Variants in ZGRF1 observed in about 807,000 individuals in gnomAD.
The protein encoded by ZGRF1 is 5'-3' DNA helicase ZGRF1.
ZGRF1 carries 196 observed loss-of-function variants against 203.5 expected under a neutral mutation model. The ratio of observed to expected loss-of-function variants is 0.96; its 90% CI spans 0.86 to 1.08. The LOEUF (loss-of-function observed/expected upper bound fraction) is 1.08, where lower values mean the gene tolerates loss of function less well. Ranked by LOEUF, ZGRF1 falls within the 50% of genes least tolerant of loss-of-function variation. The pLI is 0.00. For missense variants in ZGRF1, 2,326 were observed against 2,416.3 expected (o/e 0.96, Z 0.78); for synonymous variants, 809 against 841.3 (o/e 0.96, Z 0.66).
At chr4:112,630,573 CTTCA>C (rs1181616521) in intron 3 of ZGRF1, among the ~76,000 whole-genome samples, 1 of 151,954 alleles carries the variant, frequency 6.6e-6, no homozygotes, top group Non-Finnish European at 1.5e-5. Flanking sequence ...GGAGTAGGGA[CTTCA>C]TTCAGGAGGC....
Position 112,548,305 on chromosome 4 carries a change from G to A in ZGRF1, c.5422C>T (p.Leu1808=). 6.4e-7 allele frequency: 1 copy of A among 1,552,686 alleles called. No homozygotes were observed. Among genetic ancestry groups the A allele is most frequent in the Non-Finnish European group, 8.7e-7 (1 of 1,147,350 alleles). ...TCAGTTATCTGACTACACTCATCCA[G>A]CACAACTACAGGAAATTTAAGATCA... ...MNDLKFPVVV[L]DECSQITEPA... is the part of the protein sequence containing the mutation. The change falls in exon 23 of 28, where the codon CTG becomes TTG. Residue 1808 remains leucine (L), a synonymous_variant. Transcript: ENST00000505019.
At chr4:112,600,157 G>A (rs1226623202) in intron 10 of ZGRF1, among the ~76,000 whole-genome samples, 2 of 151,968 alleles carry the variant, frequency 1.3e-5, no homozygotes, top group Admixed American at 6.6e-5. Flanking sequence ...TCAGCCTGCT[G>A]GGTAGCTGGG....
At chr4:112,579,455 TC>T (rs1745819882) in intron 16 of ZGRF1, among the ~76,000 whole-genome samples, 1 of 122,402 alleles carries the variant, frequency 8.2e-6, no homozygotes, top group African/African-American at 2.8e-5. Flanking sequence ...TAAAGGGTAT[TC>T]AATTAGGAAA....
intron 8 of ZGRF1, among the ~76,000 whole-genome samples, chr4:112,606,963 G>A (rs1010541200): frequency 4.6e-5 from 7 of 152,106 alleles, no homozygotes; most frequent in Admixed American, 2.0e-4. Flanking sequence ...TTGTTTAAAT[G>A]TTTAACAAAT....
intron 22 of ZGRF1, among the ~76,000 whole-genome samples, chr4:112,551,331 T>C (rs928640202): frequency 2.0e-5 from 3 of 152,188 alleles, no homozygotes; most frequent in African/African-American, 7.2e-5. Context: ...AAACAATACA[T>C]TTCTCAGAAT....
At chr4:112,561,870 C>T (rs1176400861) in intron 18 of ZGRF1, among the ~76,000 whole-genome samples, 2 of 150,412 alleles carry the variant, frequency 1.3e-5, no homozygotes, top group African/African-American at 4.9e-5. Context: ...TTAGCTCAAA[C>T]CTTAATAAAC....
Position 112,620,093 on chromosome 4 carries a change from T to C in ZGRF1, c.260A>G (p.Asn87Ser), listed in dbSNP as rs371545389. The change falls in exon 5 of 28, where the codon AAT becomes AGT. Residue 87 changes from asparagine to serine, a missense_variant. Physicochemically the swap from Asn to Ser is conservative, Grantham distance 46. Coordinates refer to ENST00000505019, the MANE Select transcript of ZGRF1 (RefSeq NM_018392.5). ...GAIGIVKQNV[N>S]KEAPELNSRT... ...TGAATTTAACTCTGGTGCTTCTTTA[T>C]TGACATTCTGCTTAACAATACCTAT... The C allele has an allele frequency of 1.1e-5, 17 of 1,613,572 alleles. No individual in the cohort carries two copies. The African/African-American group carries it at 1.5e-4, about 14-fold the overall frequency.
chr4:112,623,205 G>A (rs984198758), intron 4 of ZGRF1, among the ~76,000 whole-genome samples: 4 of 152,148 alleles, frequency 2.6e-5, no homozygotes, highest in Admixed American at 6.5e-5. Flanking sequence ...TTTTATGGCT[G>A]TATAATATTT....
intron 10 of ZGRF1, among the ~76,000 whole-genome samples, chr4:112,596,750 C>T (rs555017571): frequency 1.4e-4 from 21 of 152,176 alleles, no homozygotes; most frequent in African/African-American, 4.6e-4. Flanking sequence ...CATGCCACCA[C>T]GCCTGGCTAA....
At chr4:112,598,807 T>G (rs181315492) in intron 10 of ZGRF1, among the ~76,000 whole-genome samples, 1 of 152,010 alleles carries the variant, frequency 6.6e-6, no homozygotes, top group Admixed American at 6.6e-5. Flanking sequence ...TCCCAACACT[T>G]TGGGGGGTCA....
chr4:112,586,621 GA>G, intron 12 of ZGRF1, 38 bp from the exon 13 acceptor site: 1 of 1,467,890 alleles, frequency 6.8e-7, no homozygotes, highest in Non-Finnish European at 9.2e-7. Context: ...AGCAACTCCA[GA>G]AAAATACTGT....
rs763548451 is a variant in ZGRF1 at position 112,591,331 on chromosome 4, CT to C, written c.2977-1458del. 6.4e-4 allele frequency among the ~76,000 whole-genome samples: 97 copies of C among 152,280 alleles called. 1 individual carries two copies. The highest frequency in any genetic ancestry group is 2.0e-3 in the African/African-American group (85 of 41,554). ...GGAGTTCAAATCTAGCCAGTCTAGA[CT>C]GTATTGCCTCTTTAATAAAAATAAC... On this transcript the variant is annotated intron_variant, in intron 10 of 27. Coordinates refer to ENST00000505019, the MANE Select transcript of ZGRF1 (RefSeq NM_018392.5).
chr4:112,568,204 G>A (rs887304111), intron 16 of ZGRF1, among the ~76,000 whole-genome samples: 2 of 151,750 alleles, frequency 1.3e-5, no homozygotes, highest in African/African-American at 2.4e-5. Context: ...GAGATAAATA[G>A]GAAGCTTATT....
chr4:112,584,008 G>T lies in ZGRF1; in HGVS notation c.4268C>A (p.Pro1423Gln). 6.2e-7 allele frequency: 1 copy of T among 1,606,890 alleles called. No homozygotes were observed. The highest frequency in any genetic ancestry group is 8.5e-7 in the Non-Finnish European group (1 of 1,177,560). ...IGLYLRSQKI[P>Q]LYEECQLLVR... ...CAAAAGCTGGCATTCCTCATAAAGT[G>T]GTATCTTTTGACTTCTTAAATATAA... Residue 1423 changes from proline (P) to glutamine (Q), a missense_variant, in exon 15 of 28, where the codon CCA (proline) becomes CAA (glutamine). Physicochemically the swap from Pro to Gln is moderately conservative, Grantham distance 76. Transcript: ENST00000505019.
chr4:112,592,838 T>A (rs866807724), intron 10 of ZGRF1, among the ~76,000 whole-genome samples: 3 of 152,336 alleles, frequency 2.0e-5, no homozygotes, highest in Non-Finnish European at 4.4e-5. Context: ...TAACCTCCAA[T>A]GTGATTATAT....
chr4:112,579,074 T>G (rs1222669629), intron 16 of ZGRF1, among the ~76,000 whole-genome samples: 1 of 122,106 alleles, frequency 8.2e-6, no homozygotes, highest in Non-Finnish European at 1.8e-5. Context: ...TTATCCACCA[T>G]GATCAAGTGG....
intron 4 of ZGRF1, among the ~76,000 whole-genome samples, chr4:112,622,376 T>C (rs544482853): frequency 1.1e-4 from 17 of 151,832 alleles, no homozygotes; most frequent in African/African-American, 4.1e-4. Flanking sequence ...AAAAATTAGC[T>C]GGGCATGGTG....
chr4:112,621,805 G>C (rs1010703916), intron 4 of ZGRF1, among the ~76,000 whole-genome samples: 1 of 150,254 alleles, frequency 6.7e-6, no homozygotes, highest in Non-Finnish European at 1.5e-5. Context: ...TCGGCTCACC[G>C]AACCTCCGCC....
chr4:112,591,817 C>T (rs1169863772), intron 10 of ZGRF1, among the ~76,000 whole-genome samples: 1 of 152,158 alleles, frequency 6.6e-6, no homozygotes, highest in African/African-American at 2.4e-5. Flanking sequence ...TGTGCACTCC[C>T]TATCCCCCTA....
Sources: allele counts gnomAD v4.1 joint callset (sites outside exome capture counted in the v4.1 genomes callset), GRCh38; gene constraint gnomAD v4.1.1; transcripts MANE v1.5; gene names NCBI Gene and HGNC (gene_info 2026-07-23, HGNC 2026-07-21).